The following WDFY4 variants were observed in gnomAD, a reference collection of about 807,000 sequenced individuals.
WDFY4 encodes WDFY family member 4.
WDFY4 carries 169 observed loss-of-function variants against 351.9 expected under a neutral mutation model. The observed-to-expected ratio is 0.48, with a 90% CI of 0.42 to 0.55. The LOEUF is 0.55. Ranked by LOEUF, WDFY4 falls within the 20% of genes least tolerant of loss-of-function variation. The pLI is 0.00. For synonymous variants in WDFY4, 1,622 were observed against 1,574.6 expected, an observed-to-expected ratio of 1.03 and a Z score of -0.71; for missense variants, 3,803 against 3,935.6, an observed-to-expected ratio of 0.97 and a Z score of 0.90.
At chr10:48,945,729 C>T (rs1841008799) in intron 49 of WDFY4, among the ~76,000 whole-genome samples, 1 of 152,252 alleles carries the variant, frequency 6.6e-6, no homozygotes, top group African/African-American at 2.4e-5. Flanking sequence ...CCAAGTGCCT[C>T]ATAGACAACA....
intron 27 of WDFY4, 114 bp downstream of exon 27, chr10:48,806,209 C>T (rs2067250288): frequency 1.9e-6 from 2 of 1,042,660 alleles, no homozygotes; most frequent in Non-Finnish European, 2.9e-6. Flanking sequence ...CACCCACAGC[C>T]AAGCCGTGGT....
chr10:48,783,192 A>G (rs552385448), intron 19 of WDFY4, among the ~76,000 whole-genome samples: 148 of 152,294 alleles, frequency 9.7e-4, no homozygotes, highest in African/African-American at 3.3e-3. Context: ...AACTGCATGG[A>G]TACTCAAGTC....
At chr10:48,968,927 G>A (rs1590016526) in intron 55 of WDFY4, 137 bp from the exon 56 acceptor site, 1 of 847,964 alleles carries the variant, frequency 1.2e-6, no homozygotes, top group Non-Finnish European at 1.8e-6. Context: ...CCTGCCCAGG[G>A]CCCAGCTGCA....
At chr10:48,882,916 A>G (rs1347393895) in intron 43 of WDFY4, among the ~76,000 whole-genome samples, 1 of 152,224 alleles carries the variant, frequency 6.6e-6, no homozygotes, top group Non-Finnish European at 1.5e-5. Flanking sequence ...AAAGATGGCA[A>G]AAACAGAGCC....
intron 31 of WDFY4, among the ~76,000 whole-genome samples, chr10:48,816,059 A>G (rs2067610851): frequency 1.3e-5 from 2 of 152,080 alleles, no homozygotes; most frequent in Admixed American, 6.5e-5. Context: ...TCCCATTATT[A>G]TTGGCTTGTT....
chr10:48,902,787 G>A (rs998078481), intron 47 of WDFY4, among the ~76,000 whole-genome samples: 1 of 152,018 alleles, frequency 6.6e-6, no homozygotes, highest in Admixed American at 6.6e-5. Flanking sequence ...GAGGTGGCAA[G>A]CGAAGCCCTT....
intron 50 of WDFY4, among the ~76,000 whole-genome samples, 199 bp from the exon 51 acceptor site, chr10:48,946,660 CG>C (rs1841056903): frequency 6.6e-6 from 1 of 152,250 alleles, no homozygotes. Context: ...TCCATCTACA[CG>C]CCATCTTTAG....
At chr10:48,915,529 G>C (rs56031115) in intron 47 of WDFY4, among the ~76,000 whole-genome samples, 5,623 of 152,154 alleles carry the variant, frequency 0.037, 156 homozygotes, top group Non-Finnish European at 0.055. Flanking sequence ...GTGCTCTACA[G>C]TTTCTGTACT....
At chr10:48,706,166 T>C (rs369753057) in intron 1 of WDFY4, among the ~76,000 whole-genome samples, 9 of 152,220 alleles carry the variant, frequency 5.9e-5, no homozygotes. Flanking sequence ...TTGGGTGCCA[T>C]CAGCACGTAG....
chr10:48,808,087 A>G (rs1403962583), intron 28 of WDFY4, 129 bp downstream of exon 28: 1 of 720,896 alleles, frequency 1.4e-6, no homozygotes. Flanking sequence ...TGCACTAGTC[A>G]GAAAGAAAAT....
chr10:48,979,236 T>G (rs1252264837), intron 60 of WDFY4, among the ~76,000 whole-genome samples: 1 of 152,188 alleles, frequency 6.6e-6, no homozygotes, highest in Non-Finnish European at 1.5e-5. Context: ...TCTAGGGTAC[T>G]TGGAGACCAC....
chr10:48,974,001 C>T (rs1429313548), intron 57 of WDFY4, among the ~76,000 whole-genome samples: 1 of 152,180 alleles, frequency 6.6e-6, no homozygotes, highest in Non-Finnish European at 1.5e-5. Flanking sequence ...CTGAGGTTCC[C>T]TTACCGAGAT....
chr10:48,800,042 C>T (rs2067010265), intron 24 of WDFY4, among the ~76,000 whole-genome samples: 1 of 152,074 alleles, frequency 6.6e-6, no homozygotes, highest in Non-Finnish European at 1.5e-5. Context: ...TGTGCCACCA[C>T]GCCCAGCTAA....
chr10:48,701,160 A>G (rs1184955501), intron 1 of WDFY4, among the ~76,000 whole-genome samples: 2 of 152,224 alleles, frequency 1.3e-5, no homozygotes, highest in Non-Finnish European at 2.9e-5. Flanking sequence ...CAGGGACCTC[A>G]TATCAGTGGA....
chr10:48,836,286 T>C (rs953290777), intron 39 of WDFY4, among the ~76,000 whole-genome samples: 2 of 152,228 alleles, frequency 1.3e-5, no homozygotes, highest in African/African-American at 4.8e-5. Flanking sequence ...TTGTTGAAGG[T>C]TAAAGACTCC....
intron 39 of WDFY4, among the ~76,000 whole-genome samples, chr10:48,851,235 G>T (rs914045344): frequency 6.6e-6 from 1 of 152,206 alleles, no homozygotes; most frequent in East Asian, 1.9e-4. Flanking sequence ...AAGACTGGGG[G>T]CAGCCGTTGG....
intron 1 of WDFY4, among the ~76,000 whole-genome samples, chr10:48,685,624 C>T (rs191305185): frequency 6.6e-6 from 1 of 152,312 alleles, no homozygotes; most frequent in African/African-American, 2.4e-5. Context: ...AGCAGGGCCA[C>T]CTGCTCAGTA....
chr10:48,805,138 G>C, intron 25 of WDFY4, 122 bp from the exon 26 acceptor site: 1 of 1,153,172 alleles, frequency 8.7e-7, no homozygotes, highest in Non-Finnish European at 1.2e-6. Context: ...AAATTGCCAA[G>C]AGAGCATTGG....
chr10:48,828,301 C>T (rs2068071045), intron 36 of WDFY4, among the ~76,000 whole-genome samples: 1 of 152,170 alleles, frequency 6.6e-6, no homozygotes, highest in African/African-American at 2.4e-5. Flanking sequence ...TCCAAAAATA[C>T]CCAAAATTTC....
Sources: gnomAD v4.1 joint callset for allele counts (sites outside exome capture counted in the v4.1 genomes callset) on GRCh38, gnomAD v4.1.1 for gene constraint, MANE v1.5 for transcripts, NCBI Gene and HGNC (gene_info 2026-07-23, HGNC 2026-07-21) for gene names.